ATRNL1: variants seen among roughly 807,000 people sequenced by gnomAD.
ATRNL1 encodes attractin-like protein 1.
Under a neutral mutation model 182.7 loss-of-function variants are expected in ATRNL1, and 95 were observed. The observed-to-expected ratio is 0.52, with a 90% CI of 0.44 to 0.62. ATRNL1 has a LOEUF of 0.62. Ranked by LOEUF, ATRNL1 falls within the 20% of genes least tolerant of loss-of-function variation. ATRNL1 has a pLI of 0.00. For missense variants in ATRNL1, 1,471 were observed against 1,679.5 expected, an observed-to-expected ratio of 0.88 and a Z score of 2.17; for synonymous variants, 576 against 568.3, an observed-to-expected ratio of 1.01 and a Z score of -0.19.
intron 25 of ATRNL1, among the ~76,000 whole-genome samples, chr10:115,529,669 G>C (rs1210798216): frequency 6.6e-6 from 1 of 151,792 alleles, no homozygotes. Context: ...GAATCATATA[G>C]GAGAACTAAA....
At chr10:115,933,602 A>G (rs1325585615) in intron 28 of ATRNL1, among the ~76,000 whole-genome samples, 6 of 152,222 alleles carry the variant, frequency 3.9e-5, no homozygotes, top group Non-Finnish European at 7.3e-5. Flanking sequence ...AAGTGACATT[A>G]GCAGCCACCT....
chr10:115,830,833 T>C (rs1950543263), intron 27 of ATRNL1, among the ~76,000 whole-genome samples: 1 of 152,158 alleles, frequency 6.6e-6, no homozygotes, highest in South Asian at 2.1e-4. Context: ...AGATAACTTA[T>C]TGGCCTCTCT....
intron 26 of ATRNL1, among the ~76,000 whole-genome samples, chr10:115,609,834 C>A (rs1857062824): frequency 6.6e-6 from 1 of 152,040 alleles, no homozygotes; most frequent in Admixed American, 6.6e-5. Context: ...GTCCATAGAT[C>A]CCTCAACATA....
Position 115,300,261 on chromosome 10 carries a change from T to A in ATRNL1, c.2629+14T>A. On this transcript the variant is annotated intron_variant, in intron 16 of 28. Transcript: ENST00000355044. ...AAAAACCTGTTGGTAAGTAGTCCAG[T>A]AAATTAGCATTCCTTTAAAAGTATG... The A allele has an allele frequency of 6.3e-7, 1 of 1,593,592 alleles. No homozygotes were observed. Among genetic ancestry groups the A allele is most frequent in the Non-Finnish European group, 8.6e-7 (1 of 1,162,160 alleles).
At chr10:115,319,097 G>T (rs1244471028) in intron 18 of ATRNL1, among the ~76,000 whole-genome samples, 3 of 152,058 alleles carry the variant, frequency 2.0e-5, no homozygotes, top group South Asian at 2.1e-4. Context: ...TTGTCTCTTT[G>T]TTCTCATTGT....
intron 26 of ATRNL1, among the ~76,000 whole-genome samples, chr10:115,666,604 A>G (rs1181128111): frequency 5.9e-5 from 9 of 152,186 alleles, no homozygotes; most frequent in Non-Finnish European, 1.3e-4. Flanking sequence ...AAAGATATCT[A>G]GATCTGAGCC....
At chr10:115,834,115 G>A (rs1555094644) in intron 27 of ATRNL1, among the ~76,000 whole-genome samples, 1 of 152,128 alleles carries the variant, frequency 6.6e-6, no homozygotes, top group African/African-American at 2.4e-5. Context: ...GCTCTCAGGA[G>A]CCAGTTGTCT....
chr10:115,354,003 G>C (rs1392077851), intron 19 of ATRNL1, among the ~76,000 whole-genome samples: 1 of 152,096 alleles, frequency 6.6e-6, no homozygotes, highest in African/African-American at 2.4e-5. Flanking sequence ...TGCTGAAAAT[G>C]TAAGTGATTT....
At chr10:115,519,181 C>A in intron 24 of ATRNL1, 82 bp from the exon 25 acceptor site, 1 of 1,155,132 alleles carries the variant, frequency 8.7e-7, no homozygotes, top group Non-Finnish European at 1.3e-6. Context: ...TTTAGAAAAA[C>A]TGTATTTACA....
intron 26 of ATRNL1, among the ~76,000 whole-genome samples, chr10:115,718,332 CT>C (rs149600220): frequency 0.048 from 7,262 of 152,128 alleles, 550 homozygotes; most frequent in African/African-American, 0.16. Flanking sequence ...TTCCATAATA[CT>C]TTTATGTATT....
intron 26 of ATRNL1, among the ~76,000 whole-genome samples, chr10:115,724,620 T>C (rs1947537877): frequency 6.6e-6 from 1 of 152,146 alleles, no homozygotes; most frequent in Non-Finnish European, 1.5e-5. Context: ...ATCCAATTGC[T>C]GGTAAGTTCA....
chr10:115,638,075 T>G (rs914821817), intron 26 of ATRNL1, among the ~76,000 whole-genome samples: 2 of 152,168 alleles, frequency 1.3e-5, no homozygotes, highest in South Asian at 4.1e-4. Flanking sequence ...ATTCACTCAC[T>G]ACTCACTCAC....
intron 27 of ATRNL1, among the ~76,000 whole-genome samples, chr10:115,842,580 G>C (rs566650843): frequency 6.6e-6 from 1 of 152,160 alleles, no homozygotes; most frequent in African/African-American, 2.4e-5. Flanking sequence ...TAGCTAGTGG[G>C]AGAGCTGGTC....
chr10:115,298,385 A>G (rs1299845058), intron 15 of ATRNL1, among the ~76,000 whole-genome samples: 1 of 152,142 alleles, frequency 6.6e-6, no homozygotes, highest in African/African-American at 2.4e-5. Flanking sequence ...TAGTTACTTT[A>G]AATGTTTTAT....
At chr10:115,266,644 A>G (rs192216661) in intron 11 of ATRNL1, among the ~76,000 whole-genome samples, 153 bp from the exon 12 acceptor site, 75 of 151,914 alleles carry the variant, frequency 4.9e-4, no homozygotes, top group African/African-American at 1.6e-3. Context: ...ATCATATTGT[A>G]TGCTAGAAAT....
chr10:115,670,808 A>G (rs1945674764), intron 26 of ATRNL1, among the ~76,000 whole-genome samples: 1 of 152,110 alleles, frequency 6.6e-6, no homozygotes, highest in African/African-American at 2.4e-5. Flanking sequence ...GGTCACTGCC[A>G]TTTACTTGCT....
chr10:115,576,955 A>C (rs1286350200), intron 26 of ATRNL1, among the ~76,000 whole-genome samples: 2 of 151,494 alleles, frequency 1.3e-5, no homozygotes, highest in African/African-American at 4.8e-5. Context: ...TCATGTTGAC[A>C]TTCAGTTTTC....
rs535438165 is a variant in ATRNL1, at chr10:115,862,153, G to A, written c.4018+14162G>A. ...CTTTGTTGTGGATTTTTAGATCACA[G>A]TTGTTCTTTAAGACTGAAATTTTTC... On this transcript the variant is annotated intron_variant, in intron 28 of 28. Coordinates refer to ENST00000355044, the MANE Select transcript of ATRNL1 (RefSeq NM_207303.4). Among the ~76,000 whole-genome samples, 8 of 152,258 alleles carry A rather than the reference G, an allele frequency of 5.3e-5. No individual in the cohort carries two copies. The East Asian group carries it at 1.3e-3, about 26-fold the overall frequency.
intron 26 of ATRNL1, among the ~76,000 whole-genome samples, chr10:115,554,537 T>G (rs1853199868): frequency 6.6e-6 from 1 of 151,592 alleles, no homozygotes; most frequent in Admixed American, 6.6e-5. Context: ...GACAAATTGA[T>G]AAATACTGAG....
Sources: allele counts gnomAD v4.1 joint callset (sites outside exome capture counted in the v4.1 genomes callset), GRCh38; gene constraint gnomAD v4.1.1; transcripts MANE v1.5; gene names NCBI Gene and HGNC (gene_info 2026-07-23, HGNC 2026-07-21).